DNPEP: variants seen among roughly 807,000 people sequenced by gnomAD.
DNPEP encodes the protein aspartyl aminopeptidase.
Under a neutral mutation model 59.1 loss-of-function variants are expected in DNPEP, and 46 were observed. The observed-to-expected ratio is 0.78, with a 90% CI of 0.61 to 0.99. The LOEUF is 0.99. DNPEP is among the 50% of genes least tolerant of loss of function. The pLI is 0.00. For missense variants in DNPEP, 617 were observed against 649.9 expected, an observed-to-expected ratio of 0.95 and a Z score of 0.55; for synonymous variants, 229 against 242.2, an observed-to-expected ratio of 0.95 and a Z score of 0.50.
At chr2:219,379,504 G>C (rs961933671) in intron 13 of DNPEP, among the ~76,000 whole-genome samples, 1 of 152,078 alleles carries the variant, frequency 6.6e-6, no homozygotes, top group African/African-American at 2.4e-5. Context: ...TTTAAAAATA[G>C]AAAAAAGCTT....
chr2:219,393,731 ACCATGGTTC>A (rs1159956156), upstream of DNPEP: 1 of 152,194 alleles, frequency 6.6e-6, no homozygotes, highest in Non-Finnish European at 1.5e-5. Flanking sequence ...TCAGCCGAGG[ACCATGGTTC>A]CCATTTTACT....
chr2:219,385,316 G>A (rs1953763287), intron 8 of DNPEP, 108 bp downstream of exon 8: 3 of 685,148 alleles, frequency 4.4e-6, no homozygotes, highest in South Asian at 3.7e-5. Flanking sequence ...ACGGGGATGA[G>A]AGTTACTGAG....
chr2:219,381,131 G>C (rs1406848331), intron 13 of DNPEP, among the ~76,000 whole-genome samples: 1 of 152,202 alleles, frequency 6.6e-6, no homozygotes, highest in African/African-American at 2.4e-5. Context: ...AAGGTTAGGA[G>C]ACTAGTCCAA....
At chr2:219,387,350 G>T (rs1231905305) in intron 1 of DNPEP, 187 bp from the exon 2 acceptor site, 1 of 1,440,030 alleles carries the variant, frequency 6.9e-7, no homozygotes, top group Non-Finnish European at 9.1e-7. Flanking sequence ...TCAGCCCGCC[G>T]GCCCAGGATC....
chr2:219,387,943 C>T, upstream of DNPEP: 17 of 1,061,878 alleles, frequency 1.6e-5, no homozygotes, highest in Non-Finnish European at 2.0e-5. Flanking sequence ...CCATGTTTGG[C>T]CTCCCCGCCC....
upstream of DNPEP, among the ~76,000 whole-genome samples, chr2:219,393,395 T>C (rs1954048793): frequency 6.6e-6 from 1 of 152,152 alleles, no homozygotes; most frequent in South Asian, 2.1e-4. Context: ...TTCTTCTGCC[T>C]CAGCCTCTCA....
At chr2:219,396,049 G>A (rs1435580467) in intron 1 of DNPEP, among the ~76,000 whole-genome samples, 1 of 152,204 alleles carries the variant, frequency 6.6e-6, no homozygotes, top group African/African-American at 2.4e-5. Flanking sequence ...GCTGTGGATG[G>A]ATCTCAGGTG....
At chr2:219,375,562 A>G (rs757319357) in intron 13 of DNPEP, among the ~76,000 whole-genome samples, 6 of 151,672 alleles carry the variant, frequency 4.0e-5, no homozygotes, top group Admixed American at 1.3e-4. Flanking sequence ...TTTTTATTTT[A>G]TTTTATTTAT....
At chr2:219,398,755 CCCTGTGGCAGGATGCCAGGGGGGT>C (rs1954138450) in intron 1 of DNPEP, among the ~76,000 whole-genome samples, 1 of 152,198 alleles carries the variant, frequency 6.6e-6, no homozygotes, top group Non-Finnish European at 1.5e-5. Context: ...GGTTTTCAGG[CCCTGTGGCAGGATGCCAGGGGGGT>C]CTGGGGTGCA....
rs375395973 is a variant in DNPEP, at chr2:219,373,781, CTG to C, written c.*509_*510del. On this transcript the variant is annotated 3_prime_UTR_variant, in exon 15 of 15. Transcript: ENST00000273075. ...ATGATGAAGGGTGATAAGGTATAGA[CTG>C]TGCCCTTCTCTTTGCAGCTCCTGAG... 9.1e-4 allele frequency: 145 copies of C among 159,998 alleles called. No homozygotes were observed. The highest frequency in any genetic ancestry group is 2.5e-3 in the African/African-American group (105 of 41,828). The allele number at this position is 159,998 out of a possible 1,614,324, so 9.9% of individuals were successfully genotyped here.
intron 12 of DNPEP, 54 bp downstream of exon 12, chr2:219,381,491 G>T: frequency 6.2e-7 from 1 of 1,613,730 alleles, no homozygotes; most frequent in Non-Finnish European, 8.5e-7. Flanking sequence ...GGAATGAGTC[G>T]GCGCTCGGAA....
rs1463292898 is a variant in DNPEP at position 219,381,602 on chromosome 2, G to C, written c.1098-18C>G. ...GCTTGTCCCTGTAAGAGACAGATAA[G>C]GGCCAGACATAGCAAACAGGAGCAG... On this transcript the variant is annotated intron_variant, in intron 11 of 14. Transcript: ENST00000273075. The C allele has an allele frequency of 2.5e-6, 4 of 1,613,966 alleles. No individual in the cohort carries two copies. The East Asian group carries it at 8.9e-5, about 36-fold the overall frequency.
intron 11 of DNPEP, 114 bp from the exon 12 acceptor site, chr2:219,381,698 AGTGGGAC>A (rs1953610014): frequency 1.6e-6 from 2 of 1,239,516 alleles, no homozygotes; most frequent in Admixed American, 3.4e-5. Flanking sequence ...CGCCCAGCCC[AGTGGGAC>A]TTCAGAGTCA....
chr2:219,399,480 G>A (rs13424104), intron 1 of DNPEP: 108 of 466,408 alleles, frequency 2.3e-4, no homozygotes, highest in African/African-American at 2.0e-3. Flanking sequence ...GAGGCCCAGG[G>A]ATCTCCACTT....
chr2:219,376,948 T>G (rs1282311429), intron 13 of DNPEP, among the ~76,000 whole-genome samples: 2 of 152,078 alleles, frequency 1.3e-5, no homozygotes, highest in African/African-American at 4.8e-5. Flanking sequence ...TGATGCCATA[T>G]GAATACACCA....
intron 1 of DNPEP, among the ~76,000 whole-genome samples, chr2:219,398,238 C>T (rs1179275497): frequency 6.6e-6 from 1 of 152,220 alleles, no homozygotes; most frequent in African/African-American, 2.4e-5. Context: ...TCATTTTGAA[C>T]CGTGAGCAAC....
upstream of DNPEP, among the ~76,000 whole-genome samples, chr2:219,393,033 G>A (rs145088268): frequency 1.3e-5 from 2 of 152,146 alleles, no homozygotes; most frequent in South Asian, 2.1e-4. Context: ...CATCCAAGCC[G>A]CGCTGCCTGG....
intron 13 of DNPEP, 39 bp from the exon 14 acceptor site, chr2:219,375,061 G>A: frequency 1.2e-6 from 2 of 1,604,296 alleles, no homozygotes; most frequent in African/African-American, 1.3e-5. Context: ...CATGCAGTGT[G>A]TGCTTATCAG....
In DNPEP at chr2:219,372,298, G is replaced by A. The variant is rs910987835; in HGVS notation, c.*1994C>T. 3.9e-5 allele frequency among the ~76,000 whole-genome samples: 6 copies of A among 152,072 alleles called. No homozygotes were observed. Among genetic ancestry groups the A allele is most frequent in the Non-Finnish European group, 1.5e-5 (1 of 68,018 alleles). On this transcript the variant is annotated 3_prime_UTR_variant, in exon 15 of 15. Coordinates refer to ENST00000273075, the MANE Select transcript of DNPEP (RefSeq NM_012100.4). ...CAGAAGATCACTGTAAAAGTTTCAG[G>A]TGCATTTTTCCAGGCTTTTTCTATA...
Sources: allele counts gnomAD v4.1 joint callset (sites outside exome capture counted in the v4.1 genomes callset), GRCh38; gene constraint gnomAD v4.1.1; transcripts MANE v1.5; gene names NCBI Gene and HGNC (gene_info 2026-07-23, HGNC 2026-07-21).